Variants in FGF12 observed in about 807,000 individuals in gnomAD.
The protein encoded by FGF12 is fibroblast growth factor 12.
A neutral mutation model predicts 23.6 loss-of-function variants in FGF12; 14 were observed. The ratio of observed to expected loss-of-function variants is 0.59; its 90% CI spans 0.39 to 0.93. FGF12 has a LOEUF of 0.93. Among genes scored for constraint, FGF12 ranks in the 40% least tolerant of loss-of-function variants. The pLI, the probability that FGF12 is intolerant of heterozygous loss-of-function variation, is 0.00. For synonymous variants in FGF12, 62 were observed against 77.3 expected (o/e 0.80, Z 1.04); for missense variants, 175 against 217.8 (o/e 0.80, Z 1.24).
intron 2 of FGF12, among the ~76,000 whole-genome samples, chr3:192,459,420 C>T (rs988715098): frequency 6.6e-6 from 1 of 152,212 alleles, no homozygotes; most frequent in African/African-American, 2.4e-5. Context: ...AGTTGGTCAA[C>T]TTAAATTGTT....
chr3:192,649,622 G>T (rs1716138763), intron 2 of FGF12, among the ~76,000 whole-genome samples: 1 of 151,288 alleles, frequency 6.6e-6, no homozygotes, highest in South Asian at 2.1e-4. Context: ...GTGCCATCTT[G>T]GCTCATTGCA....
At chr3:192,693,683 G>A (rs1321915157) in intron 2 of FGF12, among the ~76,000 whole-genome samples, 1 of 151,956 alleles carries the variant, frequency 6.6e-6, no homozygotes, top group African/African-American at 2.4e-5. Flanking sequence ...AATGATGTTG[G>A]GAAATCTATA....
At chr3:192,613,079 A>AT (rs910558665) in intron 2 of FGF12, among the ~76,000 whole-genome samples, 9 of 150,266 alleles carry the variant, frequency 6.0e-5, no homozygotes, top group East Asian at 2.0e-4. Flanking sequence ...CTTATTTACC[A>AT]TTTTTTTTCT....
At chr3:192,564,026 T>C (rs113922738) in intron 2 of FGF12, among the ~76,000 whole-genome samples, 2,097 of 145,250 alleles carry the variant, frequency 0.014, 22 homozygotes, top group Non-Finnish European at 0.022. Context: ...TTAGACTATG[T>C]GTAGTTTTTT....
chr3:192,385,580 G>T (rs1365263503), intron 2 of FGF12, among the ~76,000 whole-genome samples: 1 of 152,014 alleles, frequency 6.6e-6, no homozygotes, highest in Non-Finnish European at 1.5e-5. Context: ...TCATAGTTCA[G>T]ACCTCTTCTC....
chr3:192,335,552 C>T, intron 3 of FGF12, 88 bp from the exon 4 acceptor site: 5 of 821,890 alleles, frequency 6.1e-6, no homozygotes, highest in Non-Finnish European at 1.0e-5. Context: ...GAATTAAAAC[C>T]TATTAATTGA....
intron 2 of FGF12, among the ~76,000 whole-genome samples, chr3:192,605,684 C>G (rs925508788): frequency 1.3e-5 from 2 of 151,986 alleles, no homozygotes; most frequent in Admixed American, 1.3e-4. Flanking sequence ...AAAGGCCCAA[C>G]AAAAACAGAA....
At chr3:192,275,620 G>A (rs1208494342) in intron 4 of FGF12, among the ~76,000 whole-genome samples, 1 of 152,154 alleles carries the variant, frequency 6.6e-6, no homozygotes, top group African/African-American at 2.4e-5. Flanking sequence ...AAAAAGATTG[G>A]TAGAAACAAT....
intron 2 of FGF12, among the ~76,000 whole-genome samples, chr3:192,502,177 T>C (rs1158358495): frequency 2.0e-5 from 3 of 152,164 alleles, no homozygotes; most frequent in Non-Finnish European, 4.4e-5. Context: ...TCTAAGTCCA[T>C]TTCCCATTCT....
At chr3:192,288,213 G>A (rs192324507) in intron 4 of FGF12, among the ~76,000 whole-genome samples, 12 of 152,090 alleles carry the variant, frequency 7.9e-5, no homozygotes, top group East Asian at 1.9e-4. Context: ...ACAAAGATGC[G>A]TCATTCACAA....
At chr3:192,493,610 C>T (rs1443834396) in intron 2 of FGF12, among the ~76,000 whole-genome samples, 1 of 152,112 alleles carries the variant, frequency 6.6e-6, no homozygotes, top group South Asian at 2.1e-4. Flanking sequence ...AAGCACGATG[C>T]TGGCATTTGC....
At chr3:192,546,081 G>C (rs1372116630) in intron 2 of FGF12, among the ~76,000 whole-genome samples, 1 of 152,200 alleles carries the variant, frequency 6.6e-6, no homozygotes, top group Non-Finnish European at 1.5e-5. Context: ...GGACAGAGTG[G>C]TGTGGTGGAA....
At chr3:192,236,455 G>A (rs1719305157) in intron 4 of FGF12, among the ~76,000 whole-genome samples, 1 of 152,084 alleles carries the variant, frequency 6.6e-6, no homozygotes, top group African/African-American at 2.4e-5. Flanking sequence ...CTGTCACTCG[G>A]GTGTTGAAGT....
At chr3:192,309,977 A>T (rs1024492999) in intron 4 of FGF12, among the ~76,000 whole-genome samples, 17 of 152,158 alleles carry the variant, frequency 1.1e-4, no homozygotes, top group African/African-American at 4.1e-4. Context: ...AAACTACACA[A>T]GGTGAAGTAG....
chr3:192,170,708 A>T (rs1474186166), intron 4 of FGF12, 52 bp from the exon 5 acceptor site: 3 of 1,467,864 alleles, frequency 2.0e-6, no homozygotes. Context: ...TTAAAGGTGA[A>T]TCAGCAAATG....
chr3:192,412,888 G>T (rs1246535505), intron 2 of FGF12, among the ~76,000 whole-genome samples: 11 of 152,138 alleles, frequency 7.2e-5, no homozygotes, highest in African/African-American at 2.2e-4. Flanking sequence ...TATTTAAAGG[G>T]TTATGTCCCA....
intron 2 of FGF12, among the ~76,000 whole-genome samples, chr3:192,661,511 T>TGAGACTC (rs1383669659): frequency 6.6e-6 from 1 of 152,050 alleles, no homozygotes; most frequent in East Asian, 1.9e-4. Context: ...GGTGACAGAG[T>TGAGACTC]GAGACTCGGT....
At chr3:192,446,893 G>C (rs976035450) in intron 2 of FGF12, among the ~76,000 whole-genome samples, 1 of 152,018 alleles carries the variant, frequency 6.6e-6, no homozygotes, top group Non-Finnish European at 1.5e-5. Flanking sequence ...CTAATCCTTC[G>C]TTCTCACTCC....
chr3:192,320,199 A>C (rs776192501), intron 4 of FGF12, among the ~76,000 whole-genome samples: 9 of 152,184 alleles, frequency 5.9e-5, no homozygotes, highest in Non-Finnish European at 1.2e-4. Context: ...GTAGCTCTAC[A>C]TAGATCAGAC....
Sources: allele counts gnomAD v4.1 joint callset (sites outside exome capture counted in the v4.1 genomes callset), GRCh38; gene constraint gnomAD v4.1.1; transcripts MANE v1.5; gene names NCBI Gene and HGNC (gene_info 2026-07-23, HGNC 2026-07-21).